Variants in FBXO9 observed in about 807,000 individuals in gnomAD.
The protein encoded by FBXO9 is F-box protein 9, also known as F-box only protein 9.
In FBXO9, 43 loss-of-function variants were observed where a neutral mutation model predicts 63.7. The observed-to-expected ratio is 0.67, with a 90% confidence interval of 0.53 to 0.87. The LOEUF is 0.87. Among genes scored for constraint, FBXO9 ranks in the 40% least tolerant of loss-of-function variants. FBXO9 has a pLI of 0.00. For missense variants in FBXO9, 442 were observed against 533.2 expected (o/e 0.83, Z 1.68); for synonymous variants, 156 against 171.7 (o/e 0.91, Z 0.72).
At chr6:53,071,761 A>G (rs914731281) in intron 2 of FBXO9, among the ~76,000 whole-genome samples, 2 of 152,256 alleles carry the variant, frequency 1.3e-5, no homozygotes, top group Admixed American at 6.5e-5. Context: ...CAGACTGGTG[A>G]TATGGATCAA....
intron 12 of FBXO9, among the ~76,000 whole-genome samples, chr6:53,096,387 CCGAG>C (rs778754596): frequency 7.2e-5 from 11 of 152,180 alleles, no homozygotes; most frequent in Non-Finnish European, 1.6e-4. Flanking sequence ...ATCTAAAATT[CCGAG>C]AGAGAAGTTT....
intron 7 of FBXO9, among the ~76,000 whole-genome samples, chr6:53,085,722 T>C (rs1562070541): frequency 6.6e-6 from 1 of 151,984 alleles, no homozygotes; most frequent in East Asian, 1.9e-4. Context: ...TACCCATAAA[T>C]GTAACTGAAA....
intron 1 of FBXO9, among the ~76,000 whole-genome samples, chr6:53,067,076 C>A (rs1457527667): frequency 2.0e-5 from 3 of 152,156 alleles, no homozygotes; most frequent in Non-Finnish European, 4.4e-5. Context: ...TTTTATTTGT[C>A]GATTCAGCCA....
chr6:53,073,686 C>T (rs1306669277), intron 3 of FBXO9, 47 bp downstream of exon 3: 1 of 1,418,214 alleles, frequency 7.1e-7, no homozygotes, highest in Non-Finnish European at 9.4e-7. Flanking sequence ...TTTTTTTTGG[C>T]ACATGGAAAT....
intron 1 of FBXO9, among the ~76,000 whole-genome samples, chr6:53,068,683 C>T (rs1447263879): frequency 1.5e-5 from 2 of 136,602 alleles, no homozygotes; most frequent in Non-Finnish European, 3.1e-5. Flanking sequence ...GACAGGGTCT[C>T]TCTCTGTCTC....
chr6:53,065,696 G>C lies in FBXO9; in HGVS notation c.-94G>C. The C allele has an allele frequency of 1.4e-6, 2 of 1,379,720 alleles. No homozygotes were observed. The highest frequency in any genetic ancestry group is 1.9e-6 in the Non-Finnish European group (2 of 1,051,528). 85.5% of individuals were successfully genotyped at this position (1,379,720 alleles called of 1,614,324 possible). ...TAAGCTCCGCTGCAGAGACAGGCAG[G>C]AGTAGACACCCGGACACCCAGCACC... On this transcript the variant is annotated 5_prime_UTR_variant, in exon 1 of 13. Coordinates refer to ENST00000323557, the MANE Select transcript of FBXO9 (RefSeq NM_033480.3).
At chr6:53,067,640 C>T (rs950780098) in intron 1 of FBXO9, among the ~76,000 whole-genome samples, 3 of 152,104 alleles carry the variant, frequency 2.0e-5, no homozygotes, top group Non-Finnish European at 4.4e-5. Context: ...GGATACCCCA[C>T]AGAACTCAGG....
At chr6:53,087,163 G>A (rs1038325966) in intron 7 of FBXO9, among the ~76,000 whole-genome samples, 2 of 151,896 alleles carry the variant, frequency 1.3e-5, no homozygotes, top group South Asian at 2.1e-4. Context: ...GCAACATGAC[G>A]AAACCCCGTC....
intron 12 of FBXO9, among the ~76,000 whole-genome samples, chr6:53,096,202 C>A (rs144802634): frequency 6.8e-4 from 104 of 152,294 alleles, no homozygotes; most frequent in African/African-American, 2.4e-3. Context: ...TTTACCTGTA[C>A]ATCATAATCA....
rs980393454 is a variant in FBXO9 at position 53,098,636 on chromosome 6, T to C, written c.*806T>C. ...TTCCTCATTTCATCATTGGTCTTTA[T>C]ATGTAGCCACAAACACTGACCTCAT... On this transcript the variant is annotated 3_prime_UTR_variant, in exon 13 of 13. Transcript: ENST00000323557. 6.6e-6 allele frequency: 1 copy of C among 152,188 alleles called. No individual in the cohort carries two copies. Among genetic ancestry groups the C allele is most frequent in the African/African-American group, 2.4e-5 (1 of 41,448 alleles). 9.4% of individuals were successfully genotyped at this position (152,188 alleles called of 1,614,324 possible). A position where few individuals can be genotyped will look rare whatever the true frequency, so the allele number is the denominator to read the frequency against.
intron 7 of FBXO9, among the ~76,000 whole-genome samples, chr6:53,088,737 T>A (rs571319436): frequency 2.6e-4 from 40 of 151,906 alleles, no homozygotes; most frequent in Non-Finnish European, 3.5e-4. Context: ...TAGCCGAGAT[T>A]ACAGGCATGC....
Position 53,076,527 on chromosome 6 carries a change from T to C in FBXO9, c.291T>C (p.Asn97=). The C allele has an allele frequency of 6.5e-7, 1 of 1,549,398 alleles. No homozygotes were observed. Among genetic ancestry groups the C allele is most frequent in the Non-Finnish European group, 8.6e-7 (1 of 1,158,534 alleles). ...LFLKAVEEEQ[N]GALYEAIKFY... ...TAAAAGCAGTAGAAGAAGAACAAAA[T>C]GGAGCTCTCTATGAAGGTAAAAATT... The change falls in exon 4 of 13, where the codon AAT becomes AAC. Residue 97 remains asparagine (N), a synonymous_variant. Transcript: ENST00000323557.
At chr6:53,072,408 C>T (rs369352637) in intron 2 of FBXO9, among the ~76,000 whole-genome samples, 2 of 152,102 alleles carry the variant, frequency 1.3e-5, no homozygotes, top group African/African-American at 4.8e-5. Context: ...AACAAATGGG[C>T]AGGGAGAAGA....
chr6:53,093,655 C>A lies in FBXO9; in HGVS notation c.959+94C>A. The A allele has an allele frequency of 9.2e-6, 9 of 974,200 alleles. 1 individual carries two copies. In the South Asian group the frequency reaches 1.3e-4, roughly 14 times the overall value. The allele number at this position is 974,200 out of a possible 1,614,324, so 60.3% of individuals were successfully genotyped here. ...AATCCAGTGCTTCTTTCACTTAATA[C>A]TGGATGATTTTAAAAGCAATCATTC... On this transcript the variant is annotated intron_variant, in intron 10 of 12. Coordinates refer to ENST00000323557, the MANE Select transcript of FBXO9 (RefSeq NM_033480.3).
rs1763102944 is a variant in FBXO9, at chr6:53,093,394, A to G, written c.864-72A>G. ...TTCATAGCTATGAATAGGCATAGGTACTAATAGATAAGGACATATTTTATA... is the reference window on the plus strand; with the variant it reads ...TTCATAGCTATGAATAGGCATAGGTGCTAATAGATAAGGACATATTTTATA... On this transcript the variant is annotated intron_variant, in intron 9 of 12. Coordinates refer to ENST00000323557, the MANE Select transcript of FBXO9 (RefSeq NM_033480.3). 3.3e-5 allele frequency: 32 copies of G among 981,276 alleles called. No homozygotes were observed. In the South Asian group the frequency reaches 4.5e-4, roughly 14 times the overall value. The allele number at this position is 981,276 out of a possible 1,614,324, so 60.8% of individuals were successfully genotyped here.
intron 7 of FBXO9, among the ~76,000 whole-genome samples, chr6:53,089,180 T>G (rs1762977667): frequency 6.6e-6 from 1 of 151,712 alleles, no homozygotes; most frequent in African/African-American, 2.4e-5. Flanking sequence ...GTTCACACCA[T>G]TCTCCTGCCT....
In FBXO9 at chr6:53,093,460, A is replaced by G. The variant is rs1369115166; in HGVS notation, c.864-6A>G. 4 of 1,603,398 alleles carry G rather than the reference A, an allele frequency of 2.5e-6. No homozygotes were observed. Among genetic ancestry groups the G allele is most frequent in the Admixed American group, 1.7e-5 (1 of 59,868 alleles). On this transcript the variant is annotated splice_polypyrimidine_tract_variant and splice_region_variant and intron_variant, in intron 9 of 12. Transcript: ENST00000323557. ...GTGTTTTGGTCTTCCTTTTCTTATTACATAGGTACATAAGATTCTTTCCTG... is the reference window on the plus strand; with the variant it reads ...GTGTTTTGGTCTTCCTTTTCTTATTGCATAGGTACATAAGATTCTTTCCTG...
At chr6:53,072,786 C>A (rs1238902268) in intron 2 of FBXO9, among the ~76,000 whole-genome samples, 1 of 151,380 alleles carries the variant, frequency 6.6e-6, no homozygotes, top group African/African-American at 2.4e-5. Context: ...GTAGCACGAT[C>A]TCTGCTGACT....
Position 53,080,348 on chromosome 6 carries a change from C to T in FBXO9, c.408-620C>T, listed in dbSNP as rs147675377. Among the ~76,000 whole-genome samples the T allele has an allele frequency of 3.4e-3, 507 of 151,096 alleles. 2 individuals carry two copies. Among genetic ancestry groups the T allele is most frequent in the Middle Eastern group, 0.014 (4 of 290 alleles). ...TTTAAGTCTACATCACTTGAAACTT[C>T]CTGGTTTTCTAACTTCGCCTTCATC... On this transcript the variant is annotated intron_variant, in intron 5 of 12. Coordinates refer to ENST00000323557, the MANE Select transcript of FBXO9 (RefSeq NM_033480.3).
Sources: allele counts gnomAD v4.1 joint callset (sites outside exome capture counted in the v4.1 genomes callset), GRCh38; gene constraint gnomAD v4.1.1; transcripts MANE v1.5; gene names NCBI Gene and HGNC (gene_info 2026-07-23, HGNC 2026-07-21).